The following DPYD variants were observed in gnomAD, a reference collection of about 807,000 sequenced individuals.
DPYD encodes the protein dihydropyrimidine dehydrogenase [NADP(+)].
Under a neutral mutation model 116.2 loss-of-function variants are expected in DPYD, and 109 were observed. That is an observed-to-expected ratio of 0.94 (90% CI 0.80 to 1.10). The LOEUF (loss-of-function observed/expected upper bound fraction) is 1.10, where lower values mean the gene tolerates loss of function less well. DPYD is among the 50% of genes least tolerant of loss of function. The pLI, the probability that DPYD is intolerant of heterozygous loss-of-function variation, is 0.00. For missense variants in DPYD, 1,302 were observed against 1,254.5 expected (o/e 1.04, Z -0.57); for synonymous variants, 440 against 432.0 (o/e 1.02, Z -0.23).
At chr1:97,840,210 A>G (rs1314760303) in intron 2 of DPYD, among the ~76,000 whole-genome samples, 2 of 152,116 alleles carry the variant, frequency 1.3e-5, no homozygotes, top group African/African-American at 2.4e-5. Flanking sequence ...ACAATAAAGT[A>G]TTGAAAATTA....
intron 20 of DPYD, 54 bp from the exon 21 acceptor site, chr1:97,098,686 T>A: frequency 6.3e-7 from 1 of 1,587,448 alleles, no homozygotes; most frequent in South Asian, 1.1e-5. Context: ...AAGAGAAAAA[T>A]GGGAAGATAT....
chr1:97,123,673 C>T (rs778640757), intron 20 of DPYD, among the ~76,000 whole-genome samples: 22 of 152,068 alleles, frequency 1.4e-4, no homozygotes, highest in Non-Finnish European at 2.9e-4. Context: ...TATACATGGA[C>T]ACATATATAT....
intron 8 of DPYD, among the ~76,000 whole-genome samples, chr1:97,677,747 T>C (rs904660100): frequency 9.2e-5 from 14 of 152,110 alleles, no homozygotes; most frequent in African/African-American, 3.4e-4. Context: ...TAAATTTATA[T>C]TGCTTTCCAT....
chr1:97,504,295 G>A (rs1679760900), intron 13 of DPYD, among the ~76,000 whole-genome samples: 1 of 151,926 alleles, frequency 6.6e-6, no homozygotes. Flanking sequence ...TGAGTTGTCT[G>A]TTGCTAAAAG....
At chr1:97,464,709 T>C (rs1412843025) in intron 13 of DPYD, among the ~76,000 whole-genome samples, 2 of 152,320 alleles carry the variant, frequency 1.3e-5, no homozygotes, top group East Asian at 3.9e-4. Flanking sequence ...TGGGAAACTT[T>C]GCCTAGATTT....
chr1:97,266,399 A>G (rs1315669097), intron 18 of DPYD, among the ~76,000 whole-genome samples: 3 of 152,186 alleles, frequency 2.0e-5, no homozygotes, highest in Non-Finnish European at 4.4e-5. Context: ...GTGCTATCTA[A>G]TATCAATTAA....
chr1:97,277,284 T>C (rs1219839968), intron 18 of DPYD, among the ~76,000 whole-genome samples: 5 of 151,744 alleles, frequency 3.3e-5, no homozygotes, highest in Non-Finnish European at 1.5e-5. Flanking sequence ...GGTGACAGGA[T>C]CATTCATATC....
At chr1:97,920,503 A>T (rs1053974324) in intron 1 of DPYD, among the ~76,000 whole-genome samples, 1 of 152,192 alleles carries the variant, frequency 6.6e-6, no homozygotes, top group Non-Finnish European at 1.5e-5. Flanking sequence ...AACGACATAC[A>T]GGAGGTGAAG....
intron 18 of DPYD, among the ~76,000 whole-genome samples, chr1:97,294,668 T>C (rs1487301770): frequency 6.6e-6 from 1 of 152,216 alleles, no homozygotes; most frequent in Non-Finnish European, 1.5e-5. Context: ...ACAGTTAGAC[T>C]GAGTGCTCAG....
chr1:97,357,273 A>G (rs1289083322), intron 16 of DPYD, among the ~76,000 whole-genome samples: 2 of 151,896 alleles, frequency 1.3e-5, no homozygotes, highest in African/African-American at 4.8e-5. Flanking sequence ...TCTTTTTCAT[A>G]TAGTTCATTG....
chr1:97,218,779 A>T (rs746936630), intron 19 of DPYD, among the ~76,000 whole-genome samples: 19 of 152,146 alleles, frequency 1.2e-4, no homozygotes, highest in Non-Finnish European at 2.5e-4. Flanking sequence ...TTCTGAGAAG[A>T]AGATAACATC....
At chr1:97,472,438 C>A (rs145289491) in intron 13 of DPYD, among the ~76,000 whole-genome samples, 1 of 152,328 alleles carries the variant, frequency 6.6e-6, no homozygotes, top group East Asian at 1.9e-4. Flanking sequence ...TACATGGTTC[C>A]AATTTTTAGT....
At chr1:97,485,597 C>T (rs1335036645) in intron 13 of DPYD, among the ~76,000 whole-genome samples, 3 of 151,850 alleles carry the variant, frequency 2.0e-5, no homozygotes, top group Admixed American at 6.6e-5. Flanking sequence ...CACTATTTTT[C>T]TCTTCAGCTA....
chr1:97,487,542 G>A (rs983217977), intron 13 of DPYD, among the ~76,000 whole-genome samples: 16 of 151,978 alleles, frequency 1.1e-4, no homozygotes, highest in African/African-American at 3.6e-4. Context: ...GTGTGGTGGC[G>A]GGCACCTGTA....
At chr1:97,489,019 C>G (rs1165494493) in intron 13 of DPYD, among the ~76,000 whole-genome samples, 8 of 152,202 alleles carry the variant, frequency 5.3e-5, no homozygotes, top group Admixed American at 1.3e-4. Flanking sequence ...TGAATTCATT[C>G]CTAGGCAAAG....
At chr1:97,491,455 A>G (rs941997302) in intron 13 of DPYD, among the ~76,000 whole-genome samples, 6 of 152,048 alleles carry the variant, frequency 3.9e-5, no homozygotes, top group African/African-American at 1.4e-4. Flanking sequence ...CTACGTAACC[A>G]TGAGGGCTCA....
At chr1:97,535,652 A>T (rs1383580183) in intron 12 of DPYD, among the ~76,000 whole-genome samples, 1 of 152,190 alleles carries the variant, frequency 6.6e-6, no homozygotes, top group Non-Finnish European at 1.5e-5. Context: ...ATTTAATAAA[A>T]GTTTGGAACC....
chr1:97,383,271 G>A (rs935792210), intron 14 of DPYD, among the ~76,000 whole-genome samples: 1 of 152,018 alleles, frequency 6.6e-6, no homozygotes, highest in Admixed American at 6.5e-5. Flanking sequence ...GAGGTCAGGA[G>A]TTCGAGACCA....
chr1:97,581,745 CAAA>C (rs1226325704), intron 10 of DPYD, among the ~76,000 whole-genome samples: 3 of 63,534 alleles, frequency 4.7e-5, no homozygotes, highest in African/African-American at 5.8e-5. Flanking sequence ...GATCCTGTCT[CAAA>C]AAAAAAAAAA....
Sources: gnomAD v4.1 joint callset for allele counts (sites outside exome capture counted in the v4.1 genomes callset) on GRCh38, gnomAD v4.1.1 for gene constraint, MANE v1.5 for transcripts, NCBI Gene and HGNC (gene_info 2026-07-23, HGNC 2026-07-21) for gene names.